Variants in LRRC9 observed in about 807,000 individuals in gnomAD.
LRRC9 encodes leucine-rich repeat-containing protein 9.
A neutral mutation model predicts 63.2 loss-of-function variants in LRRC9; 122 were observed. The ratio of observed to expected loss-of-function variants is 1.93; its 90% confidence interval spans 1.67 to 2.24. The LOEUF (loss-of-function observed/expected upper bound fraction) is 2.24. Among genes scored for constraint, LRRC9 ranks in the 30% most tolerant of loss-of-function variants. The pLI, the probability that LRRC9 is intolerant of heterozygous loss-of-function variation, is 0.00. For missense variants in LRRC9, 1,071 were observed against 627.7 expected, an observed-to-expected ratio of 1.71 and a Z score of -7.55; for synonymous variants, 366 against 213.1, an observed-to-expected ratio of 1.72 and a Z score of -6.25.
intron 6 of LRRC9, among the ~76,000 whole-genome samples, chr14:59,937,154 G>A (rs1191187029): frequency 4.9e-5 from 6 of 121,558 alleles, no homozygotes; most frequent in African/African-American, 1.9e-4. Flanking sequence ...CACAAACCTT[G>A]TTCTTCACAA....
chr14:60,052,962 A>C, intron 29 of LRRC9, 103 bp from the exon 30 acceptor site: 1 of 555,120 alleles, frequency 1.8e-6, no homozygotes, highest in South Asian at 2.6e-5. Context: ...GTTAGCTATT[A>C]TTTGTCCTCT....
At chr14:59,995,536 T>C (rs1888671594) in intron 17 of LRRC9, among the ~76,000 whole-genome samples, 1 of 152,228 alleles carries the variant, frequency 6.6e-6, no homozygotes, top group African/African-American at 2.4e-5. Flanking sequence ...TCTTTGTAAG[T>C]TGTACTGTAC....
At chr14:60,044,798 C>T (rs549801642) in intron 29 of LRRC9, among the ~76,000 whole-genome samples, 8 of 152,214 alleles carry the variant, frequency 5.3e-5, no homozygotes, top group African/African-American at 1.9e-4. Flanking sequence ...GTCAGTTAGG[C>T]CTGTTAGATC....
At chr14:59,967,691 A>C (rs1017532671) in intron 12 of LRRC9, among the ~76,000 whole-genome samples, 5 of 152,188 alleles carry the variant, frequency 3.3e-5, no homozygotes, top group Admixed American at 1.3e-4. Context: ...CCAAGTATCC[A>C]ACTAATCTTT....
At chr14:59,977,552 T>C (rs958631698) in intron 14 of LRRC9, among the ~76,000 whole-genome samples, 1 of 150,086 alleles carries the variant, frequency 6.7e-6, no homozygotes, top group Non-Finnish European at 1.5e-5. Context: ...TGGCAAATTT[T>C]AATGTAATTA....
chr14:59,976,196 T>C (rs768303522), intron 13 of LRRC9, among the ~76,000 whole-genome samples: 3 of 152,226 alleles, frequency 2.0e-5, no homozygotes, highest in Non-Finnish European at 4.4e-5. Context: ...TTCTACATTA[T>C]GGTGAGTTAT....
chr14:60,056,104 G>A (rs1426728327), intron 30 of LRRC9, among the ~76,000 whole-genome samples: 3 of 151,924 alleles, frequency 2.0e-5, no homozygotes, highest in Admixed American at 1.3e-4. Context: ...CTTCTACCTC[G>A]AAAATCCAGG....
At chr14:59,937,700 CAAAT>C (rs1476899111) in intron 6 of LRRC9, among the ~76,000 whole-genome samples, 3 of 151,860 alleles carry the variant, frequency 2.0e-5, no homozygotes, top group African/African-American at 4.8e-5. Flanking sequence ...AGCCAGATGA[CAAAT>C]AAAGGAAAGT....
intron 15 of LRRC9, among the ~76,000 whole-genome samples, chr14:59,978,745 T>C (rs1886591198): frequency 6.6e-6 from 1 of 152,224 alleles, no homozygotes; most frequent in Non-Finnish European, 1.5e-5. Flanking sequence ...AACATCATTG[T>C]AGATGTATCT....
intron 12 of LRRC9, among the ~76,000 whole-genome samples, chr14:59,970,994 G>T (rs118055790): frequency 6.6e-6 from 1 of 152,180 alleles, no homozygotes; most frequent in Non-Finnish European, 1.5e-5. Context: ...TGTAGTATTT[G>T]CCCATTCCTA....
At chr14:59,943,513 G>GT (rs1380507556) in intron 7 of LRRC9, among the ~76,000 whole-genome samples, 2 of 151,848 alleles carry the variant, frequency 1.3e-5, no homozygotes, top group African/African-American at 2.4e-5. Flanking sequence ...TTAAGTTACG[G>GT]TTTTTTCTTT....
chr14:59,920,972 T>C (rs1276824974), intron 1 of LRRC9, among the ~76,000 whole-genome samples: 1 of 152,172 alleles, frequency 6.6e-6, no homozygotes, highest in East Asian at 1.9e-4. Flanking sequence ...GTAAACATTG[T>C]TTTACAGTGT....
chr14:60,028,668 G>A (rs1174923056), intron 28 of LRRC9, among the ~76,000 whole-genome samples: 1 of 152,122 alleles, frequency 6.6e-6, no homozygotes, highest in Non-Finnish European at 1.5e-5. Context: ...AAGAGTTGAA[G>A]ACATAACCTT....
chr14:59,979,216 T>C (rs991211737), intron 15 of LRRC9, among the ~76,000 whole-genome samples: 3 of 152,000 alleles, frequency 2.0e-5, no homozygotes, highest in South Asian at 2.1e-4. Context: ...CTGGGCAACA[T>C]AGTGAGATCT....
At position 59,962,987 on chromosome 14, in the gene LRRC9, C is replaced by T. The variant is rs1884494304; in HGVS notation, c.1211+1942C>T. On this transcript the variant is annotated intron_variant, in intron 10 of 31. Transcript: ENST00000445360. This position sits in a 1 kb window ranked among gnomAD's most constrained non-coding sequence, Gnocchi z 5.1. ...AGTACTGTTTTTTAGTTTTAGCATA[C>T]TGCAAGCTTGGCTACTTTTCCTCTG... Among the ~76,000 whole-genome samples the T allele has an allele frequency of 6.6e-6, 1 of 152,118 alleles. No homozygotes were observed. Among genetic ancestry groups the T allele is most frequent in the Non-Finnish European group, 1.5e-5 (1 of 68,010 alleles).
chr14:60,012,113 G>T (rs2140250400), intron 23 of LRRC9, among the ~76,000 whole-genome samples: 1 of 152,290 alleles, frequency 6.6e-6, no homozygotes, highest in East Asian at 1.9e-4. Flanking sequence ...GTCATGAAAA[G>T]TGGGTGCAGA....
intron 27 of LRRC9, among the ~76,000 whole-genome samples, chr14:60,025,041 GT>G (rs976147132): frequency 2.0e-5 from 3 of 148,230 alleles, no homozygotes; most frequent in Non-Finnish European, 4.5e-5. Flanking sequence ...TTGTTTTTGT[GT>G]TTTTTTCGGT....
intron 17 of LRRC9, among the ~76,000 whole-genome samples, chr14:59,996,774 C>T (rs752236776): frequency 5.3e-5 from 8 of 152,204 alleles, no homozygotes; most frequent in Admixed American, 4.6e-4. Context: ...CAGTATTTAT[C>T]GAGAGTCTTA....
chr14:59,988,411 A>G (rs754865009), intron 17 of LRRC9, among the ~76,000 whole-genome samples: 3 of 152,124 alleles, frequency 2.0e-5, no homozygotes, highest in East Asian at 1.9e-4. Context: ...TATACTTCCA[A>G]TTCAGGTTCA....
Sources: allele counts gnomAD v4.1 joint callset (sites outside exome capture counted in the v4.1 genomes callset), GRCh38; gene constraint gnomAD v4.1.1; non-coding constraint Gnocchi (gnomAD v3.1); transcripts MANE v1.5; gene names NCBI Gene and HGNC (gene_info 2026-07-23, HGNC 2026-07-21).